The following PPARGC1A variants were observed in gnomAD, a reference collection of about 807,000 sequenced individuals.
The protein encoded by PPARGC1A is PPARG coactivator 1 alpha.
A neutral mutation model predicts 88.7 loss-of-function variants in PPARGC1A; 25 were observed. The ratio of observed to expected loss-of-function variants is 0.28; its 90% CI spans 0.21 to 0.39. PPARGC1A has a LOEUF of 0.39. Among genes scored for constraint, PPARGC1A ranks in the 10% least tolerant of loss-of-function variants. PPARGC1A has a pLI of 1.00. For missense variants in PPARGC1A, 880 were observed against 968.7 expected, an observed-to-expected ratio of 0.91 and a Z score of 1.22; for synonymous variants, 363 against 355.6, an observed-to-expected ratio of 1.02 and a Z score of -0.24.
chr4:24,413,170 G>C, the PPARGC1A span, among the ~76,000 whole-genome samples: 2 of 151,548 alleles, frequency 1.3e-5, no homozygotes, highest in African/African-American at 4.9e-5. Context: ...CAACAGTAAA[G>C]AGTACTGTCG....
At chr4:23,861,583 G>A (rs1479713058) in intron 2 of PPARGC1A, among the ~76,000 whole-genome samples, 1 of 152,098 alleles carries the variant, frequency 6.6e-6, no homozygotes, top group Non-Finnish European at 1.5e-5. Context: ...ATACCATGCA[G>A]TGTTACATAT....
At chr4:23,849,262 T>C (rs998441944) in intron 2 of PPARGC1A, among the ~76,000 whole-genome samples, 3 of 152,204 alleles carry the variant, frequency 2.0e-5, no homozygotes, top group Admixed American at 2.0e-4. Flanking sequence ...TCTAATGATG[T>C]TCGTTATTTA....
At chr4:24,034,250 G>A in the PPARGC1A span, among the ~76,000 whole-genome samples, 1 of 152,116 alleles carries the variant, frequency 6.6e-6, no homozygotes, top group South Asian at 2.1e-4. Flanking sequence ...AGTTAGAGGT[G>A]ATTGGCCTTC....
the PPARGC1A span, among the ~76,000 whole-genome samples, chr4:24,069,085 A>G: frequency 6.6e-6 from 1 of 152,312 alleles, no homozygotes; most frequent in South Asian, 2.1e-4. Context: ...TAACTCAATG[A>G]AAGTTTTAAC....
At chr4:24,392,106 A>G in the PPARGC1A span, among the ~76,000 whole-genome samples, 3 of 152,184 alleles carry the variant, frequency 2.0e-5, no homozygotes, top group Admixed American at 1.3e-4. Context: ...TTTTATTGTC[A>G]TTCGCTTTTT....
the PPARGC1A span, among the ~76,000 whole-genome samples, chr4:24,470,828 C>T: frequency 6.6e-6 from 1 of 151,804 alleles, no homozygotes; most frequent in African/African-American, 2.4e-5. This position sits in a 1 kb window ranked among gnomAD's most constrained non-coding sequence, Gnocchi z 5.8. Context: ...GTATTATTCA[C>T]TCGGATGGCC....
chr4:23,901,761 G>T (rs1207583895), upstream of PPARGC1A, among the ~76,000 whole-genome samples: 1 of 152,110 alleles, frequency 6.6e-6, no homozygotes, highest in African/African-American at 2.4e-5. Context: ...CCACCAGTGG[G>T]CTATCAACTA....
chr4:24,436,566 A>G, the PPARGC1A span, among the ~76,000 whole-genome samples: 5 of 147,436 alleles, frequency 3.4e-5, 1 homozygote, highest in South Asian at 6.6e-4. Context: ...GCTGACATCG[A>G]TTGGCCACCC....
the PPARGC1A span, among the ~76,000 whole-genome samples, chr4:23,918,213 A>C: frequency 2.7e-5 from 4 of 147,866 alleles, no homozygotes; most frequent in East Asian, 8.1e-4. Flanking sequence ...AAAATAATTT[A>C]AATTCTTTTT....
the PPARGC1A span, among the ~76,000 whole-genome samples, chr4:24,042,970 A>G: frequency 6.6e-6 from 1 of 152,164 alleles, no homozygotes; most frequent in Non-Finnish European, 1.5e-5. Context: ...ACTCTCATTA[A>G]CAGCAGTAAT....
At chr4:24,154,948 G>C in the PPARGC1A span, among the ~76,000 whole-genome samples, 3 of 152,106 alleles carry the variant, frequency 2.0e-5, no homozygotes, top group African/African-American at 7.2e-5. Flanking sequence ...AAATGTATCA[G>C]ATATCCTCTG....
the PPARGC1A span, among the ~76,000 whole-genome samples, chr4:24,081,822 A>G: frequency 8.6e-5 from 13 of 151,938 alleles, no homozygotes; most frequent in Admixed American, 8.5e-4. Flanking sequence ...GAGCAAACAC[A>G]TACAGGATTG....
At chr4:23,846,452 T>C (rs1176176573) in intron 2 of PPARGC1A, among the ~76,000 whole-genome samples, 1 of 152,218 alleles carries the variant, frequency 6.6e-6, no homozygotes, top group Non-Finnish European at 1.5e-5. Flanking sequence ...TGGCAAAGAC[T>C]CTGTCTCTTA....
rs368306168 is a variant in PPARGC1A, at chr4:23,814,620, A to C, written c.878-15T>G. Reference sequence around the variant, plus strand: ...TGGAGTTAGGCCTAAGGCAAAAATTAAAAAAAAAAAAAAAAAGAGAGAGAA... The same window carrying C: ...TGGAGTTAGGCCTAAGGCAAAAATTCAAAAAAAAAAAAAAAAGAGAGAGAA... On this transcript the variant is annotated splice_polypyrimidine_tract_variant and intron_variant, in intron 7 of 12. Coordinates refer to ENST00000264867, the MANE Select transcript of PPARGC1A (RefSeq NM_013261.5). 3.0e-5 allele frequency: 1 copy of C among 33,208 alleles called. No homozygotes were observed. The highest frequency in any genetic ancestry group is 6.0e-5 in the Non-Finnish European group (1 of 16,632). 2.1% of individuals were successfully genotyped at this position (33,208 alleles called of 1,614,324 possible).
chr4:24,254,264 T>C, the PPARGC1A span, among the ~76,000 whole-genome samples: 1 of 152,174 alleles, frequency 6.6e-6, no homozygotes, highest in African/African-American at 2.4e-5. Flanking sequence ...AAGATTCTCC[T>C]TTGACAGGTA....
the PPARGC1A span, among the ~76,000 whole-genome samples, chr4:24,333,355 GTAATA>G: frequency 0.017 from 2,595 of 152,270 alleles, 66 homozygotes; most frequent in East Asian, 0.12. Context: ...TTTAATCAAT[GTAATA>G]TATTTTTTAC....
intron 7 of PPARGC1A, among the ~76,000 whole-genome samples, chr4:23,815,564 G>C (rs1466956731): frequency 6.6e-6 from 1 of 152,040 alleles, no homozygotes; most frequent in African/African-American, 2.4e-5. Context: ...TTTTCTATAG[G>C]AGGGCAGAAC....
chr4:23,950,713 C>A, the PPARGC1A span, among the ~76,000 whole-genome samples: 1 of 152,126 alleles, frequency 6.6e-6, no homozygotes, highest in Non-Finnish European at 1.5e-5. Flanking sequence ...TTGCTGTGGA[C>A]TTGGTGTGAG....
chr4:24,244,735 G>C, the PPARGC1A span, among the ~76,000 whole-genome samples: 1 of 152,180 alleles, frequency 6.6e-6, no homozygotes, highest in Non-Finnish European at 1.5e-5. Flanking sequence ...CTAGTGAATA[G>C]AGGATGCCCC....
Sources: allele counts gnomAD v4.1 joint callset (sites outside exome capture counted in the v4.1 genomes callset), GRCh38; gene constraint gnomAD v4.1.1; non-coding constraint Gnocchi (gnomAD v3.1); transcripts MANE v1.5; gene names NCBI Gene and HGNC (gene_info 2026-07-23, HGNC 2026-07-21).